Variants in RGS7 observed in about 807,000 individuals in gnomAD.
The protein encoded by RGS7 is regulator of G protein signaling 7, also known as regulator of G-protein signaling 7.
In RGS7, 27 loss-of-function variants were observed where a neutral mutation model predicts 81.1. The ratio of observed to expected loss-of-function variants is 0.33; its 90% CI spans 0.25 to 0.46. RGS7 has a LOEUF of 0.46. Ranked by LOEUF, RGS7 falls within the 20% of genes least tolerant of loss-of-function variation. The pLI, the probability that RGS7 is intolerant of heterozygous loss-of-function variation, is 1.00. For synonymous variants in RGS7, 208 were observed against 207.7 expected (o/e 1.00, Z -0.01); for missense variants, 396 against 607.4 (o/e 0.65, Z 3.66).
At chr1:240,828,828 C>A (rs1693312390) in intron 9 of RGS7, among the ~76,000 whole-genome samples, 1 of 152,180 alleles carries the variant, frequency 6.6e-6, no homozygotes, top group Non-Finnish European at 1.5e-5. Flanking sequence ...AGTTGCATGT[C>A]TCTGCTCAAT....
chr1:241,148,799 G>C (rs1044564587), intron 2 of RGS7, among the ~76,000 whole-genome samples: 3 of 152,224 alleles, frequency 2.0e-5, no homozygotes, highest in Non-Finnish European at 2.9e-5. Context: ...ATATGTATGT[G>C]CGTATGCACA....
At chr1:241,277,580 C>T (rs1317103510) in intron 2 of RGS7, among the ~76,000 whole-genome samples, 3 of 150,786 alleles carry the variant, frequency 2.0e-5, no homozygotes, top group African/African-American at 7.3e-5. Flanking sequence ...GATCACGCCA[C>T]TGCACTCCAG....
intron 2 of RGS7, among the ~76,000 whole-genome samples, chr1:241,264,098 A>G (rs1479443578): frequency 6.6e-6 from 1 of 152,254 alleles, no homozygotes; most frequent in Non-Finnish European, 1.5e-5. Flanking sequence ...CATCCAGTAT[A>G]TAGCACTATT....
Position 241,272,374 on chromosome 1 carries a change from C to T in RGS7, c.78+83325G>A, listed in dbSNP as rs540063515. On this transcript the variant is annotated intron_variant, in intron 2 of 18. Coordinates refer to ENST00000440928, the MANE Select transcript of RGS7 (RefSeq NM_001364886.1). ...GCAGACCTCCCCAAATTATTTCCTA[C>T]AGCTTCCCCCTCCCCAGCTTCCTGC... 3.3e-5 allele frequency among the ~76,000 whole-genome samples: 5 copies of T among 152,308 alleles called. No individual in the cohort carries two copies. The South Asian group carries it at 1.0e-3, about 32-fold the overall frequency.
chr1:241,202,011 GACACACACACACAC>G (rs60399497), intron 2 of RGS7, among the ~76,000 whole-genome samples: 2 of 144,970 alleles, frequency 1.4e-5, no homozygotes, highest in African/African-American at 2.6e-5. Context: ...GACACACACA[GACACACACACACAC>G]ACACACACAC....
chr1:241,297,122 A>G (rs2079474271), intron 2 of RGS7, among the ~76,000 whole-genome samples: 2 of 152,282 alleles, frequency 1.3e-5, no homozygotes, highest in South Asian at 4.1e-4. Context: ...TGTCTTTCCA[A>G]TGTGAACTCC....
At chr1:241,198,001 G>A (rs1014259407) in intron 2 of RGS7, among the ~76,000 whole-genome samples, 1 of 151,734 alleles carries the variant, frequency 6.6e-6, no homozygotes, top group Admixed American at 6.6e-5. Flanking sequence ...TCAAAGGTTT[G>A]GAAATGTGAA....
intron 2 of RGS7, among the ~76,000 whole-genome samples, chr1:241,099,237 A>G (rs888705946): frequency 1.3e-4 from 20 of 152,192 alleles, no homozygotes; most frequent in African/African-American, 4.3e-4. Flanking sequence ...ACCTGCCTAG[A>G]AATCCAGGAC....
intron 3 of RGS7, among the ~76,000 whole-genome samples, chr1:240,987,824 C>T (rs1685899922): frequency 6.6e-6 from 1 of 152,302 alleles, no homozygotes; most frequent in East Asian, 1.9e-4. Flanking sequence ...AGCCACCAGG[C>T]TCAGCCAACT....
chr1:241,236,164 A>ACC (rs1491199131), intron 2 of RGS7, among the ~76,000 whole-genome samples: 2 of 114,294 alleles, frequency 1.7e-5, no homozygotes, highest in African/African-American at 6.4e-5. Flanking sequence ...GCAAATGACG[A>ACC]CCTCCGCCCC....
intron 2 of RGS7, among the ~76,000 whole-genome samples, chr1:241,156,922 G>C (rs2069199365): frequency 6.6e-6 from 1 of 152,086 alleles, no homozygotes; most frequent in African/African-American, 2.4e-5. Flanking sequence ...TTCCCTTCCA[G>C]ATGTCATTAC....
chr1:241,293,307 C>G lies in RGS7; in HGVS notation c.78+62392G>C, dbSNP rs144680963. Among the ~76,000 whole-genome samples the G allele has an allele frequency of 2.4e-3, 369 of 152,316 alleles. 4 individuals are homozygous for G. Among genetic ancestry groups the G allele is most frequent in the African/African-American group, 8.5e-3 (353 of 41,560 alleles). ...CTTACTAATGATAATGACTATGTTA[C>G]TGGTTTATGTATTTACTATACTATA... On this transcript the variant is annotated intron_variant, in intron 2 of 18. Transcript: ENST00000440928.
At chr1:241,178,851 A>G (rs1374136717) in intron 2 of RGS7, among the ~76,000 whole-genome samples, 1 of 152,232 alleles carries the variant, frequency 6.6e-6, no homozygotes, top group African/African-American at 2.4e-5. Flanking sequence ...TTCCATTTAT[A>G]ACTTGTGCAT....
At chr1:240,784,412 G>A (rs529680290) in intron 18 of RGS7, among the ~76,000 whole-genome samples, 112 of 151,886 alleles carry the variant, frequency 7.4e-4, no homozygotes, top group African/African-American at 2.4e-3. Flanking sequence ...AGGTAGAGGC[G>A]GGCAGATCAC....
intron 2 of RGS7, among the ~76,000 whole-genome samples, chr1:241,169,332 GTTTCTTTT>G (rs1321275446): frequency 4.2e-5 from 5 of 120,260 alleles, no homozygotes; most frequent in African/African-American, 1.5e-4. Flanking sequence ...ATGTATGTGT[GTTTCTTTT>G]TTTTTTTTTT....
chr1:240,792,512 C>T (rs1046777808), intron 18 of RGS7, among the ~76,000 whole-genome samples: 5 of 152,104 alleles, frequency 3.3e-5, no homozygotes, highest in East Asian at 1.9e-4. Context: ...AGTCCCTGCC[C>T]GAATTTGCCT....
chr1:240,911,094 G>C (rs1671679545), intron 6 of RGS7, among the ~76,000 whole-genome samples: 1 of 152,066 alleles, frequency 6.6e-6, no homozygotes, highest in South Asian at 2.1e-4. Context: ...CGCATTTATT[G>C]TCTTTCTCTC....
intron 4 of RGS7, among the ~76,000 whole-genome samples, chr1:240,952,570 T>C (rs1427588618): frequency 6.6e-6 from 1 of 151,892 alleles, no homozygotes; most frequent in African/African-American, 2.4e-5. Flanking sequence ...CAGAGTTGGC[T>C]GAAAAAGAAG....
At chr1:241,101,541 G>T (rs2064741031) in intron 2 of RGS7, among the ~76,000 whole-genome samples, 2 of 151,894 alleles carry the variant, frequency 1.3e-5, no homozygotes, top group South Asian at 2.1e-4. Context: ...GAAAAAAAAT[G>T]ATTTTATCAG....
Sources: allele counts gnomAD v4.1 joint callset (sites outside exome capture counted in the v4.1 genomes callset), GRCh38; gene constraint gnomAD v4.1.1; transcripts MANE v1.5; gene names NCBI Gene and HGNC (gene_info 2026-07-23, HGNC 2026-07-21).